ART1: variants seen among roughly 807,000 people sequenced by gnomAD.
ART1 encodes ADP-ribosyltransferase 1.
Under a neutral mutation model 27.0 loss-of-function variants are expected in ART1, and 29 were observed. The ratio of observed to expected loss-of-function variants is 1.08; its 90% CI spans 0.80 to 1.47. ART1 has a LOEUF of 1.47. Ranked by LOEUF, ART1 falls within the 40% of genes most tolerant of loss-of-function variation. ART1 has a pLI of 0.00. For synonymous variants in ART1, 201 were observed against 172.2 expected (o/e 1.17, Z -1.31); for missense variants, 480 against 423.0 (o/e 1.13, Z -1.18).
At chr11:3,652,545 C>T (rs183303750) in intron 1 of ART1, among the ~76,000 whole-genome samples, 166 of 152,292 alleles carry the variant, frequency 1.1e-3, no homozygotes, top group Non-Finnish European at 1.9e-3. Flanking sequence ...AGAAGTCAGA[C>T]GTGTCCTCAG....
intron 4 of ART1, 79 bp downstream of exon 4, chr11:3,661,492 T>TA: frequency 3.5e-6 from 2 of 568,676 alleles, no homozygotes; most frequent in South Asian, 8.3e-5. Context: ...ACCTCGATCT[T>TA]TTTTTTTTTT....
chr11:3,653,605 G>C (rs912862274), intron 1 of ART1, among the ~76,000 whole-genome samples: 30 of 152,172 alleles, frequency 2.0e-4, no homozygotes, highest in Non-Finnish European at 3.2e-4. Flanking sequence ...CACAAAGCCT[G>C]TTTGGTGGTC....
intron 4 of ART1, chr11:3,663,891 C>T: frequency 1.8e-6 from 1 of 562,068 alleles, no homozygotes. Flanking sequence ...GTTCTGATAA[C>T]CCATTACCAT....
At chr11:3,650,365 C>G (rs2077510402) in intron 1 of ART1, among the ~76,000 whole-genome samples, 1 of 152,194 alleles carries the variant, frequency 6.6e-6, no homozygotes, top group African/African-American at 2.4e-5. Context: ...CCCAAGGCTC[C>G]CTGACTGACT....
At chr11:3,652,763 T>A (rs190949971) in intron 1 of ART1, among the ~76,000 whole-genome samples, 10 of 151,210 alleles carry the variant, frequency 6.6e-5, no homozygotes, top group Non-Finnish European at 1.0e-4. Context: ...TTTACACTGT[T>A]TCTCCAAGCC....
intron 3 of ART1, among the ~76,000 whole-genome samples, chr11:3,660,613 C>A (rs1188150906): frequency 6.6e-6 from 1 of 152,202 alleles, no homozygotes; most frequent in Non-Finnish European, 1.5e-5. Flanking sequence ...GGTTTCCTGG[C>A]CAACGCAGCG....
rs143749730 is a variant in ART1, at chr11:3,658,233, T to C, written c.-52-929T>C. On this transcript the variant is annotated intron_variant, in intron 1 of 4. Transcript: ENST00000250693. The stretch of plus-strand genomic sequence containing the variant: ...CTCTAGTCCCAGCTACTCCGGAGGC[T>C]GAGGCAAAAGAATCACTTGAACTCA... 2.3e-4 allele frequency among the ~76,000 whole-genome samples: 35 copies of C among 149,636 alleles called. No individual in the cohort carries two copies. The East Asian group carries it at 3.9e-3, about 17-fold the overall frequency.
At chr11:3,656,225 C>T (rs986649760) in intron 1 of ART1, among the ~76,000 whole-genome samples, 2 of 152,038 alleles carry the variant, frequency 1.3e-5, no homozygotes, top group South Asian at 2.1e-4. Flanking sequence ...TGAGCCACCG[C>T]GCCCGGCCCA....
In ART1 at chr11:3,659,689, T is replaced by G. The variant is rs777286910; in HGVS notation, c.170T>G (p.Met57Arg). 3 of 1,614,030 alleles carry G rather than the reference T, an allele frequency of 1.9e-6. No homozygotes were observed. Among genetic ancestry groups the G allele is most frequent in the East Asian group, 2.2e-5 (1 of 44,886 alleles). ...CAGTACGCTGGCTGTGCTGCTGCCA[T>G]GACAGCTGCTCTCCCGGATCTCAAC... ...DDQYAGCAAA[M>R]TAALPDLNHT... Residue 57 changes from methionine (M) to arginine (R), a missense_variant, in exon 3 of 5, where the codon ATG (methionine) becomes AGG (arginine). Physicochemically the swap from Met to Arg is moderately conservative, Grantham distance 91. Coordinates refer to ENST00000250693, the MANE Select transcript of ART1 (RefSeq NM_004314.3).
chr11:3,651,770 T>C (rs2133951036), intron 1 of ART1, among the ~76,000 whole-genome samples: 3 of 152,038 alleles, frequency 2.0e-5, no homozygotes, highest in Middle Eastern at 6.8e-3. Flanking sequence ...CCATTGTTCC[T>C]GGCCCGGACT....
At chr11:3,658,874 C>A (rs777840122) in intron 1 of ART1, among the ~76,000 whole-genome samples, 1 of 152,150 alleles carries the variant, frequency 6.6e-6, no homozygotes, top group Non-Finnish European at 1.5e-5. Context: ...CCTCCAATAC[C>A]TTTGCTTTTT....
At position 3,661,382 on chromosome 11, in the gene ART1, C is replaced by T. The variant is rs1461241306; in HGVS notation, c.855C>T (p.Cys285=). 5 of 1,612,376 alleles carry T rather than the reference C, an allele frequency of 3.1e-6. No homozygotes were observed. The highest frequency in any genetic ancestry group is 1.3e-5 in the African/African-American group (1 of 74,932). Residue 285 remains cysteine, a synonymous_variant, in exon 4 of 5, where the codon TGC becomes TGT. Coordinates refer to ENST00000250693, the MANE Select transcript of ART1 (RefSeq NM_004314.3). ...YNCEYIKDKK[C]KSGPCHLDNS... is the part of the protein sequence containing the mutation. ...GTTTCTTTTCTATAGACAAGAAGTG[C>T]AAGTCTGGGCCTTGCCATCTGGATA...
chr11:3,659,300 C>T (rs1438130207), intron 2 of ART1, 24 bp downstream of exon 2: 1 of 1,614,106 alleles, frequency 6.2e-7, no homozygotes, highest in Non-Finnish European at 8.5e-7. Context: ...CCACTGTTCC[C>T]ACCCCAGCAG....
Position 3,645,500 on chromosome 11 carries a change from C to T in ART1, c.-53+321C>T, listed in dbSNP as rs145687184. Among the ~76,000 whole-genome samples, 490 of 152,262 alleles carry T rather than the reference C, an allele frequency of 3.2e-3. 3 individuals carry two copies. The highest frequency in any genetic ancestry group is 0.011 in the African/African-American group (447 of 41,562). ...TAGAAAAGGAATTGCTCAGCATCCC[C>T]AGCTCCTTGGGCCCATGCCCACCCC... On this transcript the variant is annotated intron_variant, in intron 1 of 4. Coordinates refer to ENST00000250693, the MANE Select transcript of ART1 (RefSeq NM_004314.3).
At position 3,659,653 on chromosome 11, in the gene ART1, C is replaced by T. The variant is rs775958574; in HGVS notation, c.134C>T (p.Ser45Phe). The T allele has an allele frequency of 1.2e-6, 2 of 1,613,830 alleles. No homozygotes were observed. Among genetic ancestry groups the T allele is most frequent in the East Asian group, 2.2e-5 (1 of 44,884 alleles). ...ATTCAGCTGGACATGGCCCTGGCCT[C>T]CTTTGATGACCAGTACGCTGGCTGT... ...QEIQLDMALA[S>F]FDDQYAGCAA... Residue 45 changes from serine to phenylalanine, a missense_variant, in exon 3 of 5, where the codon TCC becomes TTC. Coordinates refer to ENST00000250693, the MANE Select transcript of ART1 (RefSeq NM_004314.3).
At chr11:3,653,587 A>C (rs952515598) in intron 1 of ART1, among the ~76,000 whole-genome samples, 1 of 152,090 alleles carries the variant, frequency 6.6e-6, no homozygotes, top group Non-Finnish European at 1.5e-5. Context: ...TAAAAGCTTT[A>C]TTGCTCACAC....
intron 1 of ART1, chr11:3,655,497 A>T (rs1010605131): frequency 6.6e-5 from 10 of 152,254 alleles, no homozygotes; most frequent in Admixed American, 1.3e-4. Context: ...GTGCTCACAA[A>T]AAACAGGCTC....
chr11:3,662,183 C>T (rs2077626540), intron 4 of ART1, among the ~76,000 whole-genome samples: 1 of 152,230 alleles, frequency 6.6e-6, no homozygotes, highest in South Asian at 2.1e-4. Flanking sequence ...CTAGTCCAGG[C>T]TCTGCTCTAA....
rs570523774 is a variant in ART1 at position 3,647,139 on chromosome 11, C to T, written c.-53+1960C>T. Among the ~76,000 whole-genome samples, 10 of 152,042 alleles carry T rather than the reference C, an allele frequency of 6.6e-5. No individual in the cohort carries two copies. The East Asian group carries it at 1.2e-3, about 18-fold the overall frequency. On this transcript the variant is annotated intron_variant, in intron 1 of 4. Transcript: ENST00000250693. ...AGGAATTTGAGACCAGCCTGACCAACGTGGAGAAACCCCATTTCTACTAAA... is the reference window on the plus strand; with the variant it reads ...AGGAATTTGAGACCAGCCTGACCAATGTGGAGAAACCCCATTTCTACTAAA...
Sources: allele counts gnomAD v4.1 joint callset (sites outside exome capture counted in the v4.1 genomes callset), GRCh38; gene constraint gnomAD v4.1.1; transcripts MANE v1.5; gene names NCBI Gene and HGNC (gene_info 2026-07-23, HGNC 2026-07-21).